The following RASSF8 variants were observed in gnomAD, a reference collection of about 807,000 sequenced individuals.
The protein encoded by RASSF8 is Ras association domain family member 8.
Under a neutral mutation model 48.5 loss-of-function variants are expected in RASSF8, and 22 were observed. The observed-to-expected ratio is 0.45, with a 90% CI of 0.32 to 0.65. RASSF8 has a LOEUF of 0.65. RASSF8 is among the 30% of genes least tolerant of loss of function. The pLI is 0.03. For missense variants in RASSF8, 418 were observed against 489.2 expected (o/e 0.85, Z 1.37); for synonymous variants, 127 against 171.5 (o/e 0.74, Z 2.03).
chr12:25,984,910 C>T (rs532077252), intron 1 of RASSF8, among the ~76,000 whole-genome samples: 7 of 152,122 alleles, frequency 4.6e-5, no homozygotes, highest in Non-Finnish European at 7.4e-5. Context: ...TTATGCTGAT[C>T]AGACCATTTT....
Position 26,069,033 on chromosome 12 carries a change from GT to G in RASSF8, c.*216del. ...ACACATCAACAGTGTTGATATTTTTGTCCAGCAGCTATAATGCAAAGCCTTC... is the reference window on the plus strand; with the variant it reads ...ACACATCAACAGTGTTGATATTTTTGCCAGCAGCTATAATGCAAAGCCTTC... On this transcript the variant is annotated 3_prime_UTR_variant, in exon 6 of 6. Coordinates refer to ENST00000689635, the MANE Select transcript of RASSF8 (RefSeq NM_001394098.1). 2 of 1,236,038 alleles carry G rather than the reference GT, an allele frequency of 1.6e-6. No homozygotes were observed. Among genetic ancestry groups the G allele is most frequent in the Middle Eastern group, 3.3e-4 (1 of 3,034 alleles). The allele number at this position is 1,236,038 out of a possible 1,614,324, so 76.6% of individuals were successfully genotyped here.
intron 3 of RASSF8, among the ~76,000 whole-genome samples, chr12:26,064,206 C>T (rs981115421): frequency 3.3e-5 from 5 of 152,312 alleles, no homozygotes; most frequent in African/African-American, 1.2e-4. Flanking sequence ...AAGTTCTAGG[C>T]AGCCAGGTAT....
intron 2 of RASSF8, among the ~76,000 whole-genome samples, chr12:26,005,290 G>T (rs1408029879): frequency 6.6e-6 from 1 of 152,096 alleles, no homozygotes; most frequent in African/African-American, 2.4e-5. Flanking sequence ...GGTTGAATTG[G>T]TGAGAGTTTG....
chr12:26,065,254 A>G lies in RASSF8; in HGVS notation c.860A>G (p.Asn287Ser), dbSNP rs758737224. 12 of 1,614,098 alleles carry G rather than the reference A, an allele frequency of 7.4e-6. No homozygotes were observed. The highest frequency in any genetic ancestry group is 1.7e-5 in the Admixed American group (1 of 60,008). ...CGGGAAGTTCAAGAGGCACAGGTCA[A>G]TGAGGAAGAGGTTAAAGGAAAGATC... is the stretch of plus-strand genomic sequence containing the variant. Reference protein sequence around the residue: ...LQREVQEAQVNEEEVKGKIGK... With the variant: ...LQREVQEAQVSEEEVKGKIGK... The change falls in exon 4 of 6, where the codon AAT becomes AGT. Residue 287 changes from asparagine (N) to serine (S), a missense_variant. By Grantham distance (46) the Asn-to-Ser change is conservative. Transcript: ENST00000689635.
chr12:25,968,077 C>T (rs1276403700), intron 1 of RASSF8, among the ~76,000 whole-genome samples: 3 of 152,228 alleles, frequency 2.0e-5, no homozygotes, highest in Non-Finnish European at 2.9e-5. Context: ...CTAGCTGTCT[C>T]CTTTCTCAGC....
At chr12:26,000,823 T>C (rs1384666784) in intron 2 of RASSF8, among the ~76,000 whole-genome samples, 1 of 152,114 alleles carries the variant, frequency 6.6e-6, no homozygotes, top group Non-Finnish European at 1.5e-5. Context: ...GTGGTACACC[T>C]GTATGGGGTA....
downstream of RASSF8, among the ~76,000 whole-genome samples, chr12:26,073,645 G>A (rs1192872340): frequency 3.3e-5 from 5 of 151,762 alleles, no homozygotes; most frequent in African/African-American, 1.2e-4. Flanking sequence ...AGGCTGAGGT[G>A]GGAGAACCAC....
At chr12:25,958,509 C>T (rs1941133781), upstream of RASSF8, 1 of 150,988 alleles carries the variant, frequency 6.6e-6, no homozygotes, top group South Asian at 2.1e-4. Flanking sequence ...GCGAGCGGGC[C>T]AGGCGCGGGC....
chr12:26,076,077 C>T (rs1411341258), downstream of RASSF8, among the ~76,000 whole-genome samples: 3 of 152,022 alleles, frequency 2.0e-5, no homozygotes, highest in Non-Finnish European at 4.4e-5. Context: ...ATAGAAGAAA[C>T]AATTTCCCAT....
intron 2 of RASSF8, among the ~76,000 whole-genome samples, chr12:26,047,214 A>G (rs1015995647): frequency 2.1e-4 from 32 of 152,192 alleles, no homozygotes; most frequent in Non-Finnish European, 4.3e-4. Context: ...ATGGAGCCCA[A>G]TGGTATATTA....
chr12:26,062,144 G>A (rs1172790228), intron 3 of RASSF8, among the ~76,000 whole-genome samples: 2 of 152,140 alleles, frequency 1.3e-5, no homozygotes, highest in South Asian at 2.1e-4. Flanking sequence ...TCCTGTTACC[G>A]AAGGAGGACA....
chr12:25,961,720 C>T (rs769168008), intron 1 of RASSF8, among the ~76,000 whole-genome samples: 1 of 152,134 alleles, frequency 6.6e-6, no homozygotes, highest in Non-Finnish European at 1.5e-5. Flanking sequence ...TGGCACATTT[C>T]AGCCAATAAA....
intron 2 of RASSF8, among the ~76,000 whole-genome samples, chr12:26,032,620 A>G (rs1187649120): frequency 6.6e-5 from 10 of 152,168 alleles, no homozygotes; most frequent in African/African-American, 1.2e-4. Context: ...TTTACCTGCA[A>G]TTTATAGCTT....
At chr12:26,040,570 T>C (rs1018380233) in intron 2 of RASSF8, among the ~76,000 whole-genome samples, 7 of 152,186 alleles carry the variant, frequency 4.6e-5, no homozygotes, top group African/African-American at 1.7e-4. Flanking sequence ...CTGCTAGTGC[T>C]TCAGTTGAAT....
chr12:26,045,135 C>G (rs566398901), intron 2 of RASSF8, among the ~76,000 whole-genome samples: 1 of 152,226 alleles, frequency 6.6e-6, no homozygotes, highest in African/African-American at 2.4e-5. Context: ...AACTAACTGC[C>G]TTTTCAAATT....
chr12:25,966,741 T>A (rs561351678), intron 1 of RASSF8, among the ~76,000 whole-genome samples: 1 of 152,364 alleles, frequency 6.6e-6, no homozygotes, highest in South Asian at 2.1e-4. Context: ...TGTCTCATCG[T>A]TTTCTTAACA....
At chr12:25,999,319 A>G (rs1284637914) in intron 2 of RASSF8, among the ~76,000 whole-genome samples, 1 of 152,240 alleles carries the variant, frequency 6.6e-6, no homozygotes, top group East Asian at 1.9e-4. Flanking sequence ...ATATTTATAT[A>G]GCACTTTCTA....
At chr12:26,077,025 A>G (rs1355903223), downstream of RASSF8, among the ~76,000 whole-genome samples, 2 of 152,144 alleles carry the variant, frequency 1.3e-5, no homozygotes, top group Non-Finnish European at 2.9e-5. Flanking sequence ...GTGATGATGA[A>G]CATTTTTTCA....
At chr12:26,001,271 G>A (rs1448746830) in intron 2 of RASSF8, among the ~76,000 whole-genome samples, 3 of 149,822 alleles carry the variant, frequency 2.0e-5, no homozygotes, top group African/African-American at 7.4e-5. Flanking sequence ...CTGGGCTCAA[G>A]CAGTCCAACC....
Sources: allele counts gnomAD v4.1 joint callset (sites outside exome capture counted in the v4.1 genomes callset), GRCh38; gene constraint gnomAD v4.1.1; transcripts MANE v1.5; gene names NCBI Gene and HGNC (gene_info 2026-07-23, HGNC 2026-07-21).